Variants in DPYD observed in about 807,000 individuals in gnomAD.
DPYD encodes dihydropyrimidine dehydrogenase.
A neutral mutation model predicts 116.2 loss-of-function variants in DPYD; 109 were observed. The observed-to-expected ratio is 0.94, with a 90% CI of 0.80 to 1.10. The LOEUF (loss-of-function observed/expected upper bound fraction) is 1.10. Ranked by LOEUF, DPYD falls within the 50% of genes least tolerant of loss-of-function variation. The probability of loss-of-function intolerance (pLI) is 0.00; values close to 1 mark genes in which losing one functional copy is unlikely to be tolerated. For missense variants in DPYD, 1,302 were observed against 1,254.5 expected (o/e 1.04, Z -0.57); for synonymous variants, 440 against 432.0 (o/e 1.02, Z -0.23).
At chr1:97,782,584 T>G (rs1364656650) in intron 3 of DPYD, among the ~76,000 whole-genome samples, 1 of 152,188 alleles carries the variant, frequency 6.6e-6, no homozygotes, top group Admixed American at 6.5e-5. Context: ...TGTATTCTAA[T>G]TTTATTCATT....
intron 18 of DPYD, among the ~76,000 whole-genome samples, chr1:97,257,452 T>TATAGAGAGAGAGAGAGAGAGAG (rs375490078): frequency 4.0e-5 from 5 of 126,474 alleles, no homozygotes; most frequent in Non-Finnish European, 6.6e-5. Flanking sequence ...TATATATATA[T>TATAGAGAGAGAGAGAGAGAGAG]AGAGAGAGAG....
intron 4 of DPYD, among the ~76,000 whole-genome samples, chr1:97,733,254 C>A (rs931353372): frequency 6.6e-6 from 1 of 151,966 alleles, no homozygotes; most frequent in Non-Finnish European, 1.5e-5. Flanking sequence ...CTCAGCTTTA[C>A]TTTATTTAAT....
chr1:97,874,144 A>G (rs1003709720), intron 2 of DPYD, among the ~76,000 whole-genome samples: 6 of 151,934 alleles, frequency 3.9e-5, no homozygotes, highest in African/African-American at 1.4e-4. Flanking sequence ...TATTTGAGAT[A>G]CTGTTACAGA....
At position 97,693,056 on chromosome 1, in the gene DPYD, C is replaced by T. The variant is rs938810456; in HGVS notation, c.681-1258G>A. On this transcript the variant is annotated intron_variant, in intron 6 of 22. Transcript: ENST00000370192. The stretch of plus-strand genomic sequence containing the variant: ...CTGTAATTCCAGCACTTTGGGAGGC[C>T]GAGGCCAGCGGATCACGAGGTCAGG... Among the ~76,000 whole-genome samples, 6 of 151,712 alleles carry T rather than the reference C, an allele frequency of 4.0e-5. No homozygotes were observed. The South Asian group carries it at 6.2e-4, about 16-fold the overall frequency.
chr1:97,367,292 A>AAACATAC (rs1420643398), intron 16 of DPYD, among the ~76,000 whole-genome samples: 115 of 152,204 alleles, frequency 7.6e-4, no homozygotes, highest in African/African-American at 2.7e-3. Context: ...TTAAAAAAAA[A>AAACATAC]AACATACAGT....
chr1:97,525,060 T>C (rs938947686), intron 12 of DPYD, among the ~76,000 whole-genome samples: 1 of 152,126 alleles, frequency 6.6e-6, no homozygotes, highest in African/African-American at 2.4e-5. Flanking sequence ...GTCAGAAAAA[T>C]CTATTGTCCC....
chr1:97,670,071 C>A (rs1659774254), intron 8 of DPYD, among the ~76,000 whole-genome samples: 1 of 152,136 alleles, frequency 6.6e-6, no homozygotes, highest in South Asian at 2.1e-4. Context: ...GAATTCTCCA[C>A]ATTTAGCTTC....
chr1:97,857,512 A>C (rs929091440), intron 2 of DPYD, among the ~76,000 whole-genome samples: 29 of 152,140 alleles, frequency 1.9e-4, no homozygotes, highest in Non-Finnish European at 2.9e-4. Flanking sequence ...CGCCTATGTA[A>C]TGAAGCCTCC....
At chr1:97,132,995 G>A (rs563236502) in intron 20 of DPYD, among the ~76,000 whole-genome samples, 35 of 151,610 alleles carry the variant, frequency 2.3e-4, no homozygotes, top group Admixed American at 8.5e-4. Context: ...TTTTTGCTCC[G>A]TTGGTATGTG....
intron 2 of DPYD, among the ~76,000 whole-genome samples, chr1:97,870,806 G>A (rs750739096): frequency 4.0e-5 from 6 of 151,752 alleles, no homozygotes; most frequent in South Asian, 2.1e-4. Context: ...TCATCACTCC[G>A]ATTAGTGCAT....
At chr1:97,330,048 G>A (rs1403232812) in intron 16 of DPYD, among the ~76,000 whole-genome samples, 1 of 151,828 alleles carries the variant, frequency 6.6e-6, no homozygotes, top group Non-Finnish European at 1.5e-5. Context: ...ATGTATATAT[G>A]TATATAATCC....
In DPYD at chr1:97,373,609, T is replaced by A. The variant is rs1360871886; in HGVS notation, c.2010A>T (p.Ser670=). Residue 670 remains serine (S), a synonymous_variant, in exon 16 of 23, where the codon TCA becomes TCT. Coordinates refer to ENST00000370192, the MANE Select transcript of DPYD (RefSeq NM_000110.4). ...SGADALELNL[S]CPHGMGERGM... ...CTCTTTCTCCCATGCCATGTGGACA[T>A]GATAAATTTAACTCCAGGGCATCTG... 3 of 1,613,804 alleles carry A rather than the reference T, an allele frequency of 1.9e-6. No individual in the cohort carries two copies. Among genetic ancestry groups the A allele is most frequent in the Non-Finnish European group, 2.5e-6 (3 of 1,179,848 alleles).
intron 18 of DPYD, among the ~76,000 whole-genome samples, chr1:97,282,450 T>C (rs1665387920): frequency 6.6e-6 from 1 of 152,114 alleles, no homozygotes; most frequent in Non-Finnish European, 1.5e-5. Context: ...GGAAATACAT[T>C]AATATTATTT....
chr1:97,736,415 AC>A (rs1255857609), intron 4 of DPYD, among the ~76,000 whole-genome samples: 1 of 151,964 alleles, frequency 6.6e-6, no homozygotes, highest in Non-Finnish European at 1.5e-5. Context: ...CAAAAAAAAA[AC>A]CCTTTCTGAA....
In DPYD at chr1:97,193,254, A is replaced by G; in HGVS notation, c.2443-6T>C. 6.2e-7 allele frequency: 1 copy of G among 1,612,878 alleles called. No individual in the cohort carries two copies. The highest frequency in any genetic ancestry group is 8.5e-7 in the Non-Finnish European group (1 of 1,179,426). On this transcript the variant is annotated splice_region_variant and splice_polypyrimidine_tract_variant and intron_variant, in intron 19 of 22. Coordinates refer to ENST00000370192, the MANE Select transcript of DPYD (RefSeq NM_000110.4). ...TTCTGAATGGCACTGCATACCTAGA[A>G]AAGACAGAGCAGTCAACCAAGTGTC...
intron 1 of DPYD, among the ~76,000 whole-genome samples, chr1:97,886,184 G>GTT (rs1672475859): frequency 6.6e-6 from 1 of 152,060 alleles, no homozygotes; most frequent in Non-Finnish European, 1.5e-5. Context: ...TCAGTCCAGT[G>GTT]TGACAGTCAT....
At chr1:97,586,469 T>C (rs78782711) in intron 10 of DPYD, among the ~76,000 whole-genome samples, 1,585 of 4,690 alleles carry the variant, frequency 0.34, 62 homozygotes, top group East Asian at 0.44. Flanking sequence ...TACATACATA[T>C]ATATATATAT....
intron 10 of DPYD, among the ~76,000 whole-genome samples, chr1:97,580,800 C>A (rs1653599333): frequency 1.3e-5 from 2 of 152,136 alleles, no homozygotes; most frequent in Non-Finnish European, 2.9e-5. Context: ...CTGCAAGAAT[C>A]CTGTTAGATT....
rs79029424 is a variant in DPYD, at chr1:97,870,163, G to A, written c.150+13101C>T. Reference sequence around the variant, plus strand: ...AGGATAAATCACATGAAATATTCTGGGGAATAGGTTAGTAAAATCTAAATA... The same window carrying A: ...AGGATAAATCACATGAAATATTCTGAGGAATAGGTTAGTAAAATCTAAATA... On this transcript the variant is annotated intron_variant, in intron 2 of 22. Transcript: ENST00000370192. 2.5e-3 allele frequency among the ~76,000 whole-genome samples: 387 copies of A among 151,784 alleles called. 1 individual carries two copies. The highest frequency in any genetic ancestry group is 5.0e-3 in the Non-Finnish European group (336 of 67,820).
Sources: gnomAD v4.1 joint callset for allele counts (sites outside exome capture counted in the v4.1 genomes callset) on GRCh38, gnomAD v4.1.1 for gene constraint, MANE v1.5 for transcripts, NCBI Gene and HGNC (gene_info 2026-07-23, HGNC 2026-07-21) for gene names.